Variants in DPP10 observed in about 807,000 individuals in gnomAD.
DPP10 encodes the protein inactive dipeptidyl peptidase 10.
DPP10 carries 33 observed loss-of-function variants against 120.9 expected under a neutral mutation model. The ratio of observed to expected loss-of-function variants is 0.27; its 90% CI spans 0.21 to 0.37. The LOEUF (loss-of-function observed/expected upper bound fraction) is 0.37, where lower values mean the gene tolerates loss of function less well. Among genes scored for constraint, DPP10 ranks in the 10% least tolerant of loss-of-function variants. DPP10 has a pLI of 1.00. For missense variants in DPP10, 816 were observed against 942.8 expected (o/e 0.87, Z 1.76); for synonymous variants, 337 against 326.1 (o/e 1.03, Z -0.36).
intron 1 of DPP10, among the ~76,000 whole-genome samples, chr2:115,274,093 G>A (rs771387564): frequency 3.4e-4 from 51 of 152,022 alleles, no homozygotes; most frequent in Non-Finnish European, 5.6e-4. Flanking sequence ...TTGTTTGTGT[G>A]TGTGTGTGTC....
intron 1 of DPP10, among the ~76,000 whole-genome samples, chr2:114,564,657 A>C (rs139983937): frequency 9.8e-5 from 15 of 152,306 alleles, no homozygotes; most frequent in Non-Finnish European, 2.1e-4. Flanking sequence ...CATAGTAGAC[A>C]TAAGGGAAAG....
intron 5 of DPP10, among the ~76,000 whole-genome samples, chr2:115,589,916 A>AT (rs896048356): frequency 2.6e-5 from 4 of 152,150 alleles, no homozygotes; most frequent in South Asian, 2.1e-4. Flanking sequence ...TCAGATACAC[A>AT]TTTTTTCAGC....
intron 4 of DPP10, among the ~76,000 whole-genome samples, chr2:115,503,290 G>A (rs1466953019): frequency 4.5e-4 from 68 of 152,130 alleles, no homozygotes. Context: ...GACAGCATCA[G>A]CTGGCTTCGA....
intron 1 of DPP10, among the ~76,000 whole-genome samples, chr2:114,839,601 T>A (rs1687999002): frequency 6.6e-6 from 1 of 152,234 alleles, no homozygotes; most frequent in Non-Finnish European, 1.5e-5. Flanking sequence ...ATTCTTTCAC[T>A]TATCAAGTGT....
chr2:115,782,619 C>A (rs1682903959), intron 17 of DPP10, among the ~76,000 whole-genome samples: 1 of 151,916 alleles, frequency 6.6e-6, no homozygotes, highest in African/African-American at 2.4e-5. Context: ...ATCTTATATG[C>A]CCGAAATAGG....
chr2:115,360,375 G>A (rs574209268), intron 3 of DPP10, among the ~76,000 whole-genome samples: 1 of 152,140 alleles, frequency 6.6e-6, no homozygotes, highest in Non-Finnish European at 1.5e-5. Flanking sequence ...AGAGGGTTAA[G>A]CCTCTGTACA....
intron 1 of DPP10, among the ~76,000 whole-genome samples, chr2:114,530,533 AT>A (rs1293309011): frequency 1.3e-5 from 2 of 152,144 alleles, no homozygotes; most frequent in Non-Finnish European, 2.9e-5. Flanking sequence ...ATTCAAAAAC[AT>A]TTAGTTGCTC....
At chr2:115,428,025 T>C (rs942702311) in intron 3 of DPP10, among the ~76,000 whole-genome samples, 1 of 152,170 alleles carries the variant, frequency 6.6e-6, no homozygotes, top group Admixed American at 6.5e-5. Flanking sequence ...CACAGATCCT[T>C]AGGGCATGAA....
chr2:114,458,217 C>A (rs917193812), intron 1 of DPP10, among the ~76,000 whole-genome samples: 3 of 152,158 alleles, frequency 2.0e-5, no homozygotes, highest in African/African-American at 7.2e-5. Context: ...ACAAATAGTA[C>A]CCCGTTCTTG....
chr2:115,079,192 A>G lies in DPP10; in HGVS notation c.61-230047A>G, dbSNP rs1708048814. 2.0e-5 allele frequency among the ~76,000 whole-genome samples: 3 copies of G among 152,184 alleles called. No homozygotes were observed. The South Asian group carries it at 6.2e-4, about 32-fold the overall frequency. ...TCAGGAGATCGAGACCATCCTGGCTAACGCGGTGAAACCCCGTCTCTACTA... is the reference window on the plus strand; with the variant it reads ...TCAGGAGATCGAGACCATCCTGGCTGACGCGGTGAAACCCCGTCTCTACTA... On this transcript the variant is annotated intron_variant, in intron 1 of 25. Transcript: ENST00000410059.
At chr2:114,742,378 T>A (rs1263357967) in intron 1 of DPP10, among the ~76,000 whole-genome samples, 1 of 152,218 alleles carries the variant, frequency 6.6e-6, no homozygotes, top group East Asian at 1.9e-4. Context: ...ATGAAAAGTA[T>A]AATGCAGGAA....
chr2:115,118,027 T>C (rs913005083), intron 1 of DPP10, among the ~76,000 whole-genome samples: 13 of 152,226 alleles, frequency 8.5e-5, no homozygotes, highest in African/African-American at 2.7e-4. Context: ...GCAATAACTT[T>C]TGATTTAAGA....
At chr2:114,684,161 T>C (rs1339386520) in intron 1 of DPP10, among the ~76,000 whole-genome samples, 1 of 151,900 alleles carries the variant, frequency 6.6e-6, no homozygotes, top group Non-Finnish European at 1.5e-5. Flanking sequence ...CTGGCTGTAG[T>C]GGGTTTTATT....
chr2:115,586,843 CAT>C (rs964454618), intron 5 of DPP10, among the ~76,000 whole-genome samples: 65 of 152,126 alleles, frequency 4.3e-4, no homozygotes, highest in African/African-American at 1.5e-3. Context: ...AGTATCTTTT[CAT>C]ATGTTTAAAA....
chr2:115,290,676 A>G (rs547301550), intron 1 of DPP10, among the ~76,000 whole-genome samples: 1 of 152,218 alleles, frequency 6.6e-6, no homozygotes, highest in Non-Finnish European at 1.5e-5. Flanking sequence ...CTGACACGGG[A>G]TTTGTTAGCA....
At chr2:114,611,063 G>C (rs960216564) in intron 1 of DPP10, among the ~76,000 whole-genome samples, 6 of 152,134 alleles carry the variant, frequency 3.9e-5, no homozygotes, top group South Asian at 2.1e-4. Flanking sequence ...CCCAGCACTC[G>C]CTACCTACAC....
chr2:114,597,588 T>C (rs775062333), intron 1 of DPP10, among the ~76,000 whole-genome samples: 5 of 152,006 alleles, frequency 3.3e-5, no homozygotes, highest in Middle Eastern at 3.2e-3. Context: ...TCCATCTGTC[T>C]AGATAAAATT....
At chr2:114,477,910 C>A (rs1680622855) in intron 1 of DPP10, among the ~76,000 whole-genome samples, 1 of 135,124 alleles carries the variant, frequency 7.4e-6, no homozygotes, top group Non-Finnish European at 1.7e-5. Context: ...TATATATGTA[C>A]ATATATGTGT....
chr2:114,673,062 T>A (rs556514189), intron 1 of DPP10, among the ~76,000 whole-genome samples: 3 of 152,284 alleles, frequency 2.0e-5, no homozygotes, highest in Admixed American at 2.0e-4. Flanking sequence ...GATTTGAGTA[T>A]TGTATCTAGT....
Sources: allele counts gnomAD v4.1 joint callset (sites outside exome capture counted in the v4.1 genomes callset), GRCh38; gene constraint gnomAD v4.1.1; transcripts MANE v1.5; gene names NCBI Gene and HGNC (gene_info 2026-07-23, HGNC 2026-07-21).